TMOD2: variants seen among roughly 807,000 people sequenced by gnomAD.
TMOD2 encodes the protein tropomodulin 2.
In TMOD2, 22 loss-of-function variants were observed where a neutral mutation model predicts 39.9. The ratio of observed to expected loss-of-function variants is 0.55; its 90% CI spans 0.39 to 0.79. The LOEUF is 0.79. Among genes scored for constraint, TMOD2 ranks in the 30% least tolerant of loss-of-function variants. TMOD2 has a pLI of 0.00. For missense variants in TMOD2, 386 were observed against 413.3 expected, an observed-to-expected ratio of 0.93 and a Z score of 0.57; for synonymous variants, 123 against 146.1, an observed-to-expected ratio of 0.84 and a Z score of 1.14.
chr15:51,793,242 C>T (rs761881331), intron 7 of TMOD2, among the ~76,000 whole-genome samples: 9 of 152,180 alleles, frequency 5.9e-5, no homozygotes, highest in Non-Finnish European at 1.0e-4. Context: ...ATAAGTATCA[C>T]TTTCACATCA....
At chr15:51,789,715 C>T (rs1056247638) in intron 7 of TMOD2, among the ~76,000 whole-genome samples, 1 of 152,220 alleles carries the variant, frequency 6.6e-6, no homozygotes, top group African/African-American at 2.4e-5. Context: ...TCACTCAAAA[C>T]TGCACAACTA....
intron 8 of TMOD2, 109 bp from the exon 9 acceptor site, chr15:51,806,268 T>C: frequency 8.0e-7 from 1 of 1,254,974 alleles, no homozygotes; most frequent in South Asian, 1.4e-5. Flanking sequence ...TTGAGACCTT[T>C]GCCTCTTTGC....
intron 6 of TMOD2, 103 bp downstream of exon 6, chr15:51,781,277 G>A (rs939934219): frequency 2.8e-6 from 3 of 1,082,460 alleles, no homozygotes; most frequent in Admixed American, 5.5e-5. Context: ...GCAGTTCTTT[G>A]TAGTCACTGA....
chr15:51,781,783 A>G (rs1315026457), intron 6 of TMOD2, among the ~76,000 whole-genome samples: 1 of 149,222 alleles, frequency 6.7e-6, no homozygotes, highest in Non-Finnish European at 1.5e-5. Flanking sequence ...AAGTCATGCC[A>G]CTCTCAAAGG....
In TMOD2 at chr15:51,816,121, T is replaced by C. The variant is rs924104021; in HGVS notation, c.*7667T>C. On this transcript the variant is annotated 3_prime_UTR_variant, in exon 10 of 10. Transcript: ENST00000249700. Reference sequence around the variant, plus strand: ...GTGATGAAGCAAAATGTATAAAGTATGAAATATTATACTTTTACCCTGGAT... The same window carrying C: ...GTGATGAAGCAAAATGTATAAAGTACGAAATATTATACTTTTACCCTGGAT... The C allele has an allele frequency of 6.6e-6, 1 of 152,226 alleles. No homozygotes were observed. Among genetic ancestry groups the C allele is most frequent in the African/African-American group, 2.4e-5 (1 of 41,460 alleles). 9.4% of individuals were successfully genotyped at this position (152,226 alleles called of 1,614,324 possible).
chr15:51,781,202 G>C (rs139369421), intron 6 of TMOD2, 28 bp downstream of exon 6: 1 of 1,574,186 alleles, frequency 6.4e-7, no homozygotes, highest in Non-Finnish European at 8.6e-7. Context: ...TCATCAGTCA[G>C]TTAATTTATC....
rs2056139775 is a variant in TMOD2, at chr15:51,809,143, C to G, written c.*689C>G. The G allele has an allele frequency of 6.6e-6, 1 of 152,624 alleles. No homozygotes were observed. Among genetic ancestry groups the G allele is most frequent in the South Asian group, 2.1e-4 (1 of 4,828 alleles). 9.5% of individuals were successfully genotyped at this position (152,624 alleles called of 1,614,324 possible). ...ACAGGTAGCAAAATGAATTACACAC[C>G]TACTTTTACTGACTATTCAACATAA... On this transcript the variant is annotated 3_prime_UTR_variant, in exon 10 of 10. Transcript: ENST00000249700.
At chr15:51,761,927 C>T (rs2055783537) in intron 1 of TMOD2, among the ~76,000 whole-genome samples, 1 of 150,800 alleles carries the variant, frequency 6.6e-6, no homozygotes, top group African/African-American at 2.4e-5. Flanking sequence ...ACAGGCAGAT[C>T]ACGAGGTCAG....
chr15:51,780,835 C>G (rs1363051386), intron 5 of TMOD2, among the ~76,000 whole-genome samples: 1 of 152,198 alleles, frequency 6.6e-6, no homozygotes, highest in Non-Finnish European at 1.5e-5. Context: ...CCAGGGAATT[C>G]TCATTGCAGT....
chr15:51,758,173 T>TCC (rs2055755478), intron 1 of TMOD2, among the ~76,000 whole-genome samples: 1 of 152,114 alleles, frequency 6.6e-6, no homozygotes, highest in Non-Finnish European at 1.5e-5. Flanking sequence ...TTTTTTCTCC[T>TCC]CTGACTTTGA....
chr15:51,782,936 C>G, intron 7 of TMOD2, 108 bp downstream of exon 7: 1 of 1,018,204 alleles, frequency 9.8e-7, no homozygotes, highest in South Asian at 1.5e-5. Context: ...AACTTACCTT[C>G]TACACAGTTA....
At chr15:51,774,986 T>TA (rs1314147284) in intron 4 of TMOD2, among the ~76,000 whole-genome samples, 1 of 152,164 alleles carries the variant, frequency 6.6e-6, no homozygotes, top group African/African-American at 2.4e-5. Context: ...CGTTCATCCT[T>TA]ACTCAGCTTC....
At position 51,798,294 on chromosome 15, in the gene TMOD2, C is replaced by T. The variant is rs2056065841; in HGVS notation, c.830C>T (p.Ala277Val). The T allele has an allele frequency of 6.2e-7, 1 of 1,613,746 alleles. No individual in the cohort carries two copies. Among genetic ancestry groups the T allele is most frequent in the Non-Finnish European group, 8.5e-7 (1 of 1,179,906 alleles). The change falls in exon 8 of 10, where the codon GCA becomes GTA. Residue 277 changes from alanine to valine, a missense_variant. By Grantham distance (64) the Ala-to-Val change is moderately conservative (BLOSUM62 0). Transcript: ENST00000249700. ...ACTGGGATCCTGGCCCTGGTAGAGGCACTGAAAGAAAATGACACCTTGACA... is the reference window on the plus strand; with the variant it reads ...ACTGGGATCCTGGCCCTGGTAGAGGTACTGAAAGAAAATGACACCTTGACA... ...TGTGILALVEALKENDTLTEI... is the reference protein window; with the variant it reads ...TGTGILALVEVLKENDTLTEI...
intron 7 of TMOD2, among the ~76,000 whole-genome samples, chr15:51,791,346 AAGAG>A (rs1483908448): frequency 1.3e-5 from 2 of 152,182 alleles, no homozygotes; most frequent in Non-Finnish European, 2.9e-5. Flanking sequence ...TCAAGGAAAT[AAGAG>A]AGAGAGTACA....
intron 5 of TMOD2, among the ~76,000 whole-genome samples, chr15:51,778,991 C>G (rs2055910564): frequency 6.6e-6 from 1 of 152,146 alleles, no homozygotes; most frequent in Non-Finnish European, 1.5e-5. Context: ...GAGGCTTGCT[C>G]TGTTGCCCAG....
At chr15:51,756,797 G>A (rs757671962) in intron 1 of TMOD2, among the ~76,000 whole-genome samples, 10 of 152,148 alleles carry the variant, frequency 6.6e-5, no homozygotes, top group African/African-American at 1.9e-4. Context: ...TCCTTATCCC[G>A]CCTCATTCTG....
chr15:51,777,588 CTT>C (rs1382577059), intron 5 of TMOD2, among the ~76,000 whole-genome samples: 1 of 152,196 alleles, frequency 6.6e-6, no homozygotes, highest in African/African-American at 2.4e-5. Flanking sequence ...ATTAATTAGA[CTT>C]TTTTATTCAT....
chr15:51,777,096 T>A (rs74015772), intron 5 of TMOD2, 78 bp downstream of exon 5: 2 of 1,198,548 alleles, frequency 1.7e-6, no homozygotes. Flanking sequence ...GCCTGTTGAG[T>A]CTTGCAGGCT....
intron 1 of TMOD2, among the ~76,000 whole-genome samples, chr15:51,756,682 G>A (rs1318760569): frequency 6.6e-6 from 1 of 152,172 alleles, no homozygotes; most frequent in East Asian, 1.9e-4. Flanking sequence ...AGTTTGTGTT[G>A]TAAGATTGGG....
Sources: gnomAD v4.1 joint callset for allele counts (sites outside exome capture counted in the v4.1 genomes callset) on GRCh38, gnomAD v4.1.1 for gene constraint, MANE v1.5 for transcripts, NCBI Gene and HGNC (gene_info 2026-07-23, HGNC 2026-07-21) for gene names.